The following CEP112 variants were observed in gnomAD, a reference collection of about 807,000 sequenced individuals.
CEP112 encodes the protein centrosomal protein of 112 kDa.
A neutral mutation model predicts 153.0 loss-of-function variants in CEP112; 127 were observed. The observed-to-expected ratio is 0.83, with a 90% CI of 0.72 to 0.96. CEP112 has a LOEUF of 0.96. Among genes scored for constraint, CEP112 ranks in the 40% least tolerant of loss-of-function variants. The probability of loss-of-function intolerance (pLI) is 0.00; values close to 1 mark genes in which losing one functional copy is unlikely to be tolerated. For synonymous variants in CEP112, 358 were observed against 374.4 expected, an observed-to-expected ratio of 0.96 and a Z score of 0.51; for missense variants, 1,089 against 1,101.2, an observed-to-expected ratio of 0.99 and a Z score of 0.16.
chr17:65,773,935 A>C (rs539104657), intron 21 of CEP112, among the ~76,000 whole-genome samples: 1 of 152,090 alleles, frequency 6.6e-6, no homozygotes, highest in South Asian at 2.1e-4. Flanking sequence ...AAAAATACAA[A>C]AATTAGCCAG....
chr17:65,760,969 C>T (rs763377874), intron 21 of CEP112, among the ~76,000 whole-genome samples: 3 of 151,956 alleles, frequency 2.0e-5, no homozygotes, highest in Non-Finnish European at 4.4e-5. Context: ...TCTGCCTGTG[C>T]GAGTTTTGGC....
At chr17:66,130,255 G>A in intron 5 of CEP112, among the ~76,000 whole-genome samples, 1 of 151,818 alleles carries the variant, frequency 6.6e-6, no homozygotes, top group South Asian at 2.1e-4. Context: ...AATTAATCCA[G>A]GCTCTTCTCT....
intron 24 of CEP112, among the ~76,000 whole-genome samples, chr17:65,648,155 T>A (rs948133135): frequency 6.6e-6 from 1 of 152,116 alleles, no homozygotes; most frequent in Non-Finnish European, 1.5e-5. Flanking sequence ...ATTCCCATCA[T>A]CCTCAAAAAG....
At chr17:65,953,995 C>T (rs981311107) in intron 18 of CEP112, among the ~76,000 whole-genome samples, 4 of 152,172 alleles carry the variant, frequency 2.6e-5, no homozygotes, top group Non-Finnish European at 4.4e-5. Flanking sequence ...CCTATAGGAC[C>T]ATAGCTGACG....
intron 18 of CEP112, among the ~76,000 whole-genome samples, chr17:65,936,731 C>T (rs1029219411): frequency 6.6e-6 from 1 of 151,478 alleles, no homozygotes; most frequent in African/African-American, 2.4e-5. Flanking sequence ...CAAAATTCAA[C>T]ATCATTTCAT....
intron 20 of CEP112, 81 bp downstream of exon 20, chr17:65,902,071 A>G (rs2059885764): frequency 1.9e-6 from 2 of 1,036,134 alleles, no homozygotes; most frequent in Non-Finnish European, 2.8e-6. Context: ...GCGTGCATCA[A>G]TAAGAATAAT....
intron 6 of CEP112, among the ~76,000 whole-genome samples, chr17:66,127,270 T>C (rs1422189143): frequency 6.6e-6 from 1 of 152,156 alleles, no homozygotes; most frequent in Non-Finnish European, 1.5e-5. Flanking sequence ...GTATATCATG[T>C]TTCAAGTGGC....
At chr17:65,925,177 A>C (rs1424816520) in intron 19 of CEP112, among the ~76,000 whole-genome samples, 1 of 152,170 alleles carries the variant, frequency 6.6e-6, no homozygotes, top group Non-Finnish European at 1.5e-5. Context: ...TAAGTCTCAC[A>C]AGATCCGACG....
intron 21 of CEP112, among the ~76,000 whole-genome samples, chr17:65,784,348 C>T (rs887422343): frequency 2.0e-5 from 3 of 152,178 alleles, no homozygotes; most frequent in African/African-American, 7.2e-5. Context: ...CCAAAACAGT[C>T]TTTTACAGTA....
intron 21 of CEP112, among the ~76,000 whole-genome samples, chr17:65,839,154 C>A (rs1007018870): frequency 1.8e-4 from 28 of 152,056 alleles, no homozygotes; most frequent in African/African-American, 6.3e-4. Context: ...CTCTACAAGA[C>A]CAGCATTAAC....
chr17:65,865,100 G>A (rs2058440878), intron 20 of CEP112, among the ~76,000 whole-genome samples: 1 of 152,034 alleles, frequency 6.6e-6, no homozygotes, highest in Non-Finnish European at 1.5e-5. Context: ...GGAGTGCAGT[G>A]TCATGATCTC....
At chr17:66,060,214 A>G (rs1334208143) in intron 11 of CEP112, among the ~76,000 whole-genome samples, 1 of 152,226 alleles carries the variant, frequency 6.6e-6, no homozygotes, top group Non-Finnish European at 1.5e-5. Context: ...GATCATTCAT[A>G]TCCCAAACCT....
At chr17:65,774,687 G>A (rs1395439752) in intron 21 of CEP112, among the ~76,000 whole-genome samples, 1 of 152,160 alleles carries the variant, frequency 6.6e-6, no homozygotes, top group Non-Finnish European at 1.5e-5. Flanking sequence ...CTACCCCATG[G>A]CATGATAGAG....
At chr17:65,936,672 A>G (rs1473231885) in intron 18 of CEP112, among the ~76,000 whole-genome samples, 1 of 124,212 alleles carries the variant, frequency 8.1e-6, no homozygotes, top group Non-Finnish European at 1.7e-5. Context: ...AATAAAATGA[A>G]GAATAAAAAC....
chr17:66,161,254 C>G (rs763658542), intron 4 of CEP112, among the ~76,000 whole-genome samples: 9 of 152,118 alleles, frequency 5.9e-5, no homozygotes, highest in Non-Finnish European at 1.3e-4. Context: ...ATTAGTTCAA[C>G]CATTGCAGAA....
intron 21 of CEP112, among the ~76,000 whole-genome samples, chr17:65,830,860 C>T (rs2057045335): frequency 6.6e-6 from 1 of 152,054 alleles, no homozygotes; most frequent in African/African-American, 2.4e-5. Flanking sequence ...TTCCCCAGAC[C>T]AGAAAACAGT....
chr17:65,825,234 G>A (rs2056782836), intron 21 of CEP112, among the ~76,000 whole-genome samples: 1 of 152,196 alleles, frequency 6.6e-6, no homozygotes. Flanking sequence ...AGTCATAAAA[G>A]AACTACTACT....
intron 17 of CEP112, among the ~76,000 whole-genome samples, chr17:65,995,675 G>A (rs2063758681): frequency 6.6e-6 from 1 of 152,240 alleles, no homozygotes; most frequent in East Asian, 1.9e-4. Context: ...AAGTTTTATT[G>A]AAATTTCTCT....
intron 24 of CEP112, among the ~76,000 whole-genome samples, chr17:65,679,240 A>C (rs1003763927): frequency 1.5e-5 from 2 of 136,232 alleles, no homozygotes; most frequent in Non-Finnish European, 3.0e-5. Context: ...ATGTGGTTCT[A>C]TCTCTCATAA....
Sources: gnomAD v4.1 joint callset for allele counts (sites outside exome capture counted in the v4.1 genomes callset) on GRCh38, gnomAD v4.1.1 for gene constraint, MANE v1.5 for transcripts, NCBI Gene and HGNC (gene_info 2026-07-23, HGNC 2026-07-21) for gene names.